BASP1: variants seen among roughly 807,000 people sequenced by gnomAD.
The protein encoded by BASP1 is brain acid soluble protein 1.
Under a neutral mutation model 2.2 loss-of-function variants are expected in BASP1, and 1 was observed. That is an observed-to-expected ratio of 0.46 (90% CI 0.16 to 2.17). The LOEUF is 2.17. Ranked by LOEUF, BASP1 falls within the 30% of genes most tolerant of loss-of-function variation. BASP1 has a pLI of 0.27. For missense variants in BASP1, 352 were observed against 327.2 expected (o/e 1.08, Z -0.58); for synonymous variants, 187 against 154.2 (o/e 1.21, Z -1.58).
chr5:17,245,946 G>A (rs1406181298), intron 1 of BASP1, among the ~76,000 whole-genome samples: 1 of 151,926 alleles, frequency 6.6e-6, no homozygotes, highest in East Asian at 1.9e-4. Context: ...CTACTAATAA[G>A]TCGAATAATA....
chr5:17,245,210 G>A lies in BASP1; in HGVS notation c.-10+27400G>A, dbSNP rs373973900. On this transcript the variant is annotated intron_variant, in intron 1 of 1. Transcript: ENST00000322611. Reference sequence around the variant, plus strand: ...CCAGCTACTCAGGAGGCTGAGGCAGGAGAATTGCTTGCAGCTGGGAGATGG... The same window carrying A: ...CCAGCTACTCAGGAGGCTGAGGCAGAAGAATTGCTTGCAGCTGGGAGATGG... Among the ~76,000 whole-genome samples the A allele has an allele frequency of 2.6e-5, 4 of 151,014 alleles. No homozygotes were observed. The East Asian group carries it at 7.9e-4, about 30-fold the overall frequency.
chr5:17,275,510 T>G lies in BASP1; in HGVS notation c.294T>G (p.Ala98=). 2 of 1,448,816 alleles carry G rather than the reference T, an allele frequency of 1.4e-6. No homozygotes were observed. The highest frequency in any genetic ancestry group is 1.8e-6 in the Non-Finnish European group (2 of 1,104,668). The allele number at this position is 1,448,816 out of a possible 1,614,324, so 89.7% of individuals were successfully genotyped here. The change falls in exon 2 of 2, where the codon GCT becomes GCG. Residue 98 remains alanine, a synonymous_variant. Coordinates refer to ENST00000322611, the MANE Select transcript of BASP1 (RefSeq NM_006317.5). This position sits in a 1 kb window ranked among gnomAD's most constrained non-coding sequence, Gnocchi z 5.3. ...CGGAGGGCGCGGCAGAGGCCAAGGC[T>G]GAGCCCCCGAAGGCGCCCGAGCAGG... The part of the protein sequence containing the change: ...EKTEGAAEAK[A]EPPKAPEQEQ...
intron 1 of BASP1, among the ~76,000 whole-genome samples, chr5:17,241,905 A>G (rs1366371221): frequency 2.0e-5 from 3 of 152,198 alleles, no homozygotes; most frequent in African/African-American, 7.2e-5. Context: ...CTGAAACACA[A>G]ACTTCAGCAT....
chr5:17,252,874 T>G (rs1437788496), intron 1 of BASP1, among the ~76,000 whole-genome samples: 1 of 152,174 alleles, frequency 6.6e-6, no homozygotes, highest in African/African-American at 2.4e-5. Context: ...AAGTTTTTCT[T>G]AAAGGGCCAG....
chr5:17,216,973 A>T (rs1485890450), upstream of BASP1: 1 of 152,086 alleles, frequency 6.6e-6, no homozygotes, highest in Non-Finnish European at 1.5e-5. This position sits in a 1 kb window ranked among gnomAD's most constrained non-coding sequence, Gnocchi z 6.4. Flanking sequence ...AGGGGGTGTC[A>T]TTCATCACCT....
Position 17,258,228 on chromosome 5 carries a change from C to T in BASP1, c.-9-16980C>T, listed in dbSNP as rs145865179. 4.4e-3 allele frequency among the ~76,000 whole-genome samples: 669 copies of T among 152,202 alleles called. 5 individuals are homozygous for T. Among genetic ancestry groups the T allele is most frequent in the African/African-American group, 0.015 (615 of 41,524 alleles). On this transcript the variant is annotated intron_variant, in intron 1 of 1. Transcript: ENST00000322611. ...ACCTGTTCTGTGCACACTCACTTCT[C>T]GGTTAGACCTGGCTAGGTTTTCTGC...
chr5:17,275,814 C>A lies in BASP1; in HGVS notation c.598C>A (p.Gln200Lys), dbSNP rs543534271. The change falls in exon 2 of 2, where the codon CAG becomes AAG. Residue 200 changes from glutamine (Q) to lysine (K), a missense_variant. By Grantham distance (53) the Gln-to-Lys change is moderately conservative. Transcript: ENST00000322611. This position sits in a 1 kb window ranked among gnomAD's most constrained non-coding sequence, Gnocchi z 5.3. ...AGCGCCTAGTTCCACACCCAAGGCC[C>A]AGGGCCCCGCAGCCTCTGCAGAAGA... is the stretch of plus-strand genomic sequence containing the variant. ...TEAPSSTPKA[Q>K]GPAASAEEPK... 5.6e-6 allele frequency: 9 copies of A among 1,612,272 alleles called. No homozygotes were observed. In the East Asian group the frequency reaches 1.8e-4, roughly 32 times the overall value.
At chr5:17,263,851 A>G (rs560948179) in intron 1 of BASP1, among the ~76,000 whole-genome samples, 1 of 152,332 alleles carries the variant, frequency 6.6e-6, no homozygotes, top group African/African-American at 2.4e-5. Context: ...TGATATTTCA[A>G]AGGTTTACCT....
chr5:17,265,069 A>G (rs1740390911), intron 1 of BASP1, among the ~76,000 whole-genome samples: 1 of 152,238 alleles, frequency 6.6e-6, no homozygotes, highest in South Asian at 2.1e-4. Flanking sequence ...ATTACATTAC[A>G]GAACCATGGT....
intron 1 of BASP1, among the ~76,000 whole-genome samples, chr5:17,261,836 C>T (rs1461250688): frequency 1.3e-5 from 2 of 152,184 alleles, no homozygotes; most frequent in African/African-American, 4.8e-5. Context: ...ACGTTTCTGC[C>T]GTTACCAACA....
intron 1 of BASP1, among the ~76,000 whole-genome samples, chr5:17,259,252 G>A (rs889038523): frequency 6.6e-6 from 1 of 152,140 alleles, no homozygotes; most frequent in Non-Finnish European, 1.5e-5. Flanking sequence ...ACTCTCGTGA[G>A]ACTCATTCAC....
chr5:17,236,651 G>A lies in BASP1; in HGVS notation c.-10+18841G>A, dbSNP rs1739753955. Among the ~76,000 whole-genome samples, 1 of 152,094 alleles carries A rather than the reference G, an allele frequency of 6.6e-6. No individual in the cohort carries two copies. The highest frequency in any genetic ancestry group is 2.4e-5 in the African/African-American group (1 of 41,408). On this transcript the variant is annotated intron_variant, in intron 1 of 1. Coordinates refer to ENST00000322611, the MANE Select transcript of BASP1 (RefSeq NM_006317.5). This position sits in a 1 kb window ranked among gnomAD's most constrained non-coding sequence, Gnocchi z 4.0. ...TAGATGGCTACTGAATATATCCTGA[G>A]AGCAGGTCCTAAGAGTTTATTTTTC... is the stretch of plus-strand genomic sequence containing the variant.
At chr5:17,263,916 C>CA (rs1561175853) in intron 1 of BASP1, among the ~76,000 whole-genome samples, 1 of 152,208 alleles carries the variant, frequency 6.6e-6, no homozygotes, top group African/African-American at 2.4e-5. Flanking sequence ...CCCCAGAGGA[C>CA]ATCTGCATCC....
At chr5:17,262,961 C>T (rs558679766) in intron 1 of BASP1, among the ~76,000 whole-genome samples, 1 of 152,238 alleles carries the variant, frequency 6.6e-6, no homozygotes, top group Non-Finnish European at 1.5e-5. Context: ...ATTCTCCTGC[C>T]TCAGCCTCCC....
chr5:17,261,567 T>C (rs1204306202), intron 1 of BASP1, among the ~76,000 whole-genome samples: 1 of 152,196 alleles, frequency 6.6e-6, no homozygotes, highest in Non-Finnish European at 1.5e-5. Flanking sequence ...AGAGAGCATG[T>C]TGAGTTGGAA....
At chr5:17,252,154 G>T (rs1270774047) in intron 1 of BASP1, among the ~76,000 whole-genome samples, 1 of 152,140 alleles carries the variant, frequency 6.6e-6, no homozygotes, top group Non-Finnish European at 1.5e-5. Flanking sequence ...TTAAAGGGAA[G>T]CTGTGACTGG....
At chr5:17,224,759 C>T (rs1278611172) in intron 1 of BASP1, among the ~76,000 whole-genome samples, 1 of 152,156 alleles carries the variant, frequency 6.6e-6, no homozygotes, top group Non-Finnish European at 1.5e-5. Context: ...CACGTTTCTC[C>T]TTGGACATTG....
At position 17,275,674 on chromosome 5, in the gene BASP1, C is replaced by T. The variant is rs772412010; in HGVS notation, c.458C>T (p.Ala153Val). 5 of 1,562,992 alleles carry T rather than the reference C, an allele frequency of 3.2e-6. No homozygotes were observed. The Admixed American group carries it at 9.6e-5, about 30-fold the overall frequency. The stretch of plus-strand genomic sequence containing the variant: ...GAAGGGGAACCCAAAAAGACTGAGG[C>T]GCCCGCAGCTCCTGCCGCCCAGGAG... ...KEEGEPKKTE[A>V]PAAPAAQETK... Residue 153 changes from alanine (A) to valine (V), a missense_variant, in exon 2 of 2, where the codon GCG (alanine) becomes GTG (valine). Physicochemically the swap from Ala to Val is moderately conservative, Grantham distance 64. Coordinates refer to ENST00000322611, the MANE Select transcript of BASP1 (RefSeq NM_006317.5). This position sits in a 1 kb window ranked among gnomAD's most constrained non-coding sequence, Gnocchi z 5.3.
intron 1 of BASP1, among the ~76,000 whole-genome samples, chr5:17,272,602 A>G (rs1740552396): frequency 6.6e-6 from 1 of 152,200 alleles, no homozygotes; most frequent in Admixed American, 6.5e-5. Flanking sequence ...ATAATGAGAC[A>G]ATCCTGCTTT....
Sources: gnomAD v4.1 joint callset for allele counts (sites outside exome capture counted in the v4.1 genomes callset) on GRCh38, gnomAD v4.1.1 for gene constraint, Gnocchi (gnomAD v3.1) non-coding constraint, MANE v1.5 for transcripts, NCBI Gene and HGNC (gene_info 2026-07-23, HGNC 2026-07-21) for gene names.